The following SLC44A5 variants were observed in gnomAD, a reference collection of about 807,000 sequenced individuals.
The protein encoded by SLC44A5 is choline transporter-like protein 5.
SLC44A5 carries 57 observed loss-of-function variants against 101.8 expected under a neutral mutation model. The ratio of observed to expected loss-of-function variants is 0.56; its 90% CI spans 0.45 to 0.70. The LOEUF (loss-of-function observed/expected upper bound fraction) is 0.70, where lower values mean the gene tolerates loss of function less well. SLC44A5 is among the 30% of genes least tolerant of loss of function. The probability of loss-of-function intolerance (pLI) is 0.00; values close to 1 mark genes in which losing one functional copy is unlikely to be tolerated. For missense variants in SLC44A5, 737 were observed against 853.1 expected (o/e 0.86, Z 1.70); for synonymous variants, 281 against 290.9 (o/e 0.97, Z 0.35).
At chr1:75,577,407 C>T (rs1432205968) in intron 1 of SLC44A5, among the ~76,000 whole-genome samples, 1 of 152,222 alleles carries the variant, frequency 6.6e-6, no homozygotes, top group Non-Finnish European at 1.5e-5. Context: ...AGCATCTCTG[C>T]TTCTGAAACA....
intron 3 of SLC44A5, among the ~76,000 whole-genome samples, chr1:75,360,698 A>T (rs1427690467): frequency 2.6e-5 from 4 of 152,076 alleles, no homozygotes; most frequent in African/African-American, 9.7e-5. Flanking sequence ...GTGTCATGCT[A>T]TTTTGATTAC....
chr1:75,282,128 T>C (rs1570566342), intron 5 of SLC44A5, among the ~76,000 whole-genome samples: 1 of 152,082 alleles, frequency 6.6e-6, no homozygotes, highest in African/African-American at 2.4e-5. Context: ...GTCACAGGGG[T>C]GGAGCTGCCT....
intron 2 of SLC44A5, among the ~76,000 whole-genome samples, chr1:75,481,340 A>T (rs539541054): frequency 1.3e-5 from 2 of 152,332 alleles, no homozygotes; most frequent in East Asian, 3.9e-4. Flanking sequence ...GGACATAGGC[A>T]TGGGCAAGGA....
At chr1:75,650,312 T>G in the SLC44A5 span, among the ~76,000 whole-genome samples, 2 of 152,196 alleles carry the variant, frequency 1.3e-5, no homozygotes, top group Non-Finnish European at 2.9e-5. Flanking sequence ...TGAGTCATTA[T>G]TCTTAATACT....
Position 75,582,427 on chromosome 1 carries a change from C to T in SLC44A5, c.-70+28613G>A, listed in dbSNP as rs1673748795. The T allele has an allele frequency of 1.6e-5, 11 of 692,038 alleles. No individual in the cohort carries two copies. In the South Asian group the frequency reaches 1.9e-4, roughly 12 times the overall value. 42.9% of individuals were successfully genotyped at this position (692,038 alleles called of 1,614,324 possible). ...AGCTTGGGAAGCATGATCATGCCCA[C>T]ATTGCCAAAGGGCTCAGGCTGTGTG... On this transcript the variant is annotated intron_variant, in intron 1 of 23. Coordinates refer to ENST00000370859, the MANE Select transcript of SLC44A5 (RefSeq NM_001130058.2).
chr1:75,603,780 A>G lies in SLC44A5; in HGVS notation c.-70+7260T>C, dbSNP rs1245391248. 7.0e-4 allele frequency among the ~76,000 whole-genome samples: 19 copies of G among 27,132 alleles called. 1 individual carries two copies. In the Admixed American group the frequency reaches 7.5e-3, roughly 11 times the overall value. 17.8% of individuals were successfully genotyped at this position (27,132 alleles called of 152,430 possible). On this transcript the variant is annotated intron_variant, in intron 1 of 23. Coordinates refer to ENST00000370859, the MANE Select transcript of SLC44A5 (RefSeq NM_001130058.2). ...TTTTTTTTTTTTTTTTGCTGCTTGT[A>G]TGTCTTCTTTTTTTTAATTGTATGT... is the stretch of plus-strand genomic sequence containing the variant.
At chr1:75,478,959 C>G (rs1350948576) in intron 2 of SLC44A5, among the ~76,000 whole-genome samples, 2 of 152,226 alleles carry the variant, frequency 1.3e-5, no homozygotes, top group African/African-American at 2.4e-5. Context: ...TTTGTTTCAG[C>G]ACCACACCAC....
At chr1:75,268,302 ACCT>A (rs1651172591) in intron 6 of SLC44A5, among the ~76,000 whole-genome samples, 1 of 152,002 alleles carries the variant, frequency 6.6e-6, no homozygotes, top group African/African-American at 2.4e-5. Context: ...TTCAGAAGTC[ACCT>A]CCTCATGAGA....
At chr1:75,675,374 T>C in the SLC44A5 span, among the ~76,000 whole-genome samples, 1 of 152,186 alleles carries the variant, frequency 6.6e-6, no homozygotes, top group Non-Finnish European at 1.5e-5. Flanking sequence ...TTTGTAGCAA[T>C]TGTGAGTGGG....
rs573112497 is a variant in SLC44A5 at position 75,433,079 on chromosome 1, T to C, written c.14-36458A>G. Among the ~76,000 whole-genome samples, 3 of 152,232 alleles carry C rather than the reference T, an allele frequency of 2.0e-5. No individual in the cohort carries two copies. The East Asian group carries it at 5.8e-4, about 29-fold the overall frequency. Reference sequence around the variant, plus strand: ...CTGCCTCTTTTTCTTCTGCTATAGTTTTATCTTTCCCACCAAAAATAATGT... The same window carrying C: ...CTGCCTCTTTTTCTTCTGCTATAGTCTTATCTTTCCCACCAAAAATAATGT... On this transcript the variant is annotated intron_variant, in intron 2 of 23. Transcript: ENST00000370859.
At chr1:75,351,861 A>AC (rs1658690651) in intron 3 of SLC44A5, among the ~76,000 whole-genome samples, 1 of 125,000 alleles carries the variant, frequency 8.0e-6, no homozygotes. Context: ...AAAAAAAAAA[A>AC]AAAAAAAAGA....
At chr1:75,501,635 T>C (rs545904773) in intron 2 of SLC44A5, among the ~76,000 whole-genome samples, 295 of 152,314 alleles carry the variant, frequency 1.9e-3, no homozygotes, top group Admixed American at 2.9e-3. Context: ...CTTGCAGTCA[T>C]GAATTTCATG....
intron 6 of SLC44A5, among the ~76,000 whole-genome samples, chr1:75,266,128 AT>A (rs1207363757): frequency 1.3e-5 from 2 of 152,156 alleles, no homozygotes; most frequent in Non-Finnish European, 1.5e-5. Context: ...CACATCTCAA[AT>A]ATCACACCAC....
At chr1:75,344,138 C>T (rs777251160) in intron 3 of SLC44A5, among the ~76,000 whole-genome samples, 1 of 152,138 alleles carries the variant, frequency 6.6e-6, no homozygotes, top group Non-Finnish European at 1.5e-5. Context: ...TACACTTCCC[C>T]TCACAAACTT....
intron 2 of SLC44A5, among the ~76,000 whole-genome samples, chr1:75,461,340 A>G (rs1017232160): frequency 5.3e-5 from 8 of 152,178 alleles, no homozygotes; most frequent in African/African-American, 7.2e-5. Context: ...CCTGTAAGAT[A>G]ATATTATTTA....
At chr1:75,641,527 CT>C in the SLC44A5 span, 1 of 1,486,780 alleles carries the variant, frequency 6.7e-7, no homozygotes. Flanking sequence ...CACTGACTGG[CT>C]TTTCTACAAA....
At chr1:75,542,799 T>A (rs1368502802) in intron 1 of SLC44A5, among the ~76,000 whole-genome samples, 1 of 152,174 alleles carries the variant, frequency 6.6e-6, no homozygotes, top group African/African-American at 2.4e-5. Flanking sequence ...TATTTTGTTT[T>A]TATTGCAATA....
intron 2 of SLC44A5, among the ~76,000 whole-genome samples, chr1:75,526,106 T>TC (rs1670392962): frequency 6.6e-6 from 1 of 152,162 alleles, no homozygotes; most frequent in Non-Finnish European, 1.5e-5. Flanking sequence ...CTACAGCCAT[T>TC]CCCTTATTCT....
In SLC44A5 at chr1:75,361,270, G is replaced by A. The variant is rs1319350958; in HGVS notation, c.53-21640C>T. Among the ~76,000 whole-genome samples the A allele has an allele frequency of 4.6e-5, 7 of 152,078 alleles. No homozygotes were observed. In the East Asian group the frequency reaches 1.2e-3, roughly 25 times the overall value. On this transcript the variant is annotated intron_variant, in intron 3 of 23. Transcript: ENST00000370859. ...GTCATTAGCAAGCAGACAATTTCAC[G>A]TCTTCTTTTCCTATTAGGATGCCTT...
Sources: gnomAD v4.1 joint callset for allele counts (sites outside exome capture counted in the v4.1 genomes callset) on GRCh38, gnomAD v4.1.1 for gene constraint, MANE v1.5 for transcripts, NCBI Gene and HGNC (gene_info 2026-07-23, HGNC 2026-07-21) for gene names.